Variants in TMEM38B observed in about 807,000 individuals in gnomAD.
TMEM38B encodes trimeric intracellular cation channel type B.
Under a neutral mutation model 28.7 loss-of-function variants are expected in TMEM38B, and 24 were observed. The observed-to-expected ratio is 0.84, with a 90% CI of 0.61 to 1.18. The LOEUF is 1.18. TMEM38B is among the 50% of genes most tolerant of loss of function. The pLI is 0.00. For missense variants in TMEM38B, 380 were observed against 350.9 expected, an observed-to-expected ratio of 1.08 and a Z score of -0.66; for synonymous variants, 131 against 127.7, an observed-to-expected ratio of 1.03 and a Z score of -0.17.
In TMEM38B at chr9:105,732,411, A is replaced by G. The variant is rs564086886; in HGVS notation, c.542+9790A>G. 3.3e-5 allele frequency among the ~76,000 whole-genome samples: 5 copies of G among 152,270 alleles called. No homozygotes were observed. The South Asian group carries it at 1.0e-3, about 32-fold the overall frequency. Reference sequence around the variant, plus strand: ...GCCTTTGTCCTGAATGGTATTGCCTAGGTTTTCTTCCAGGGATTTTATGGT... The same window carrying G: ...GCCTTTGTCCTGAATGGTATTGCCTGGGTTTTCTTCCAGGGATTTTATGGT... On this transcript the variant is annotated intron_variant, in intron 4 of 5. Transcript: ENST00000374692.
Position 105,774,103 on chromosome 9 carries a change from G to A in TMEM38B, c.*23G>A, listed in dbSNP as rs1826651321. On this transcript the variant is annotated 3_prime_UTR_variant, in exon 6 of 6. Coordinates refer to ENST00000374692, the MANE Select transcript of TMEM38B (RefSeq NM_018112.3). ...TAAATTTACGTGATGAGCTCTACAA[G>A]GCCAAAAATTTTTTTTCTTATCTAC... 6.2e-7 allele frequency: 1 copy of A among 1,603,186 alleles called. No individual in the cohort carries two copies. The highest frequency in any genetic ancestry group is 8.5e-7 in the Non-Finnish European group (1 of 1,175,348).
At chr9:105,750,024 G>A (rs536852223) in intron 5 of TMEM38B, among the ~76,000 whole-genome samples, 20 of 152,238 alleles carry the variant, frequency 1.3e-4, no homozygotes, top group Admixed American at 3.3e-4. Context: ...CATTACTAGC[G>A]CATATTATTG....
chr9:105,752,861 A>G (rs28797537), intron 5 of TMEM38B, among the ~76,000 whole-genome samples: 1,580 of 152,310 alleles, frequency 0.01, 26 homozygotes, highest in African/African-American at 0.036. Context: ...GTGAGTAATA[A>G]TGAGCTTCAC....
At position 105,764,571 on chromosome 9, in the gene TMEM38B, G is replaced by T. The variant is rs575467271; in HGVS notation, c.661-9294G>T. 4.2e-3 allele frequency among the ~76,000 whole-genome samples: 641 copies of T among 151,988 alleles called. 1 individual carries two copies. Among genetic ancestry groups the T allele is most frequent in the Middle Eastern group, 0.02 (6 of 294 alleles). On this transcript the variant is annotated intron_variant, in intron 5 of 5. Coordinates refer to ENST00000374692, the MANE Select transcript of TMEM38B (RefSeq NM_018112.3). The stretch of plus-strand genomic sequence containing the variant: ...AGGAGAACTGCAAACCACTGCTCAA[G>T]GAAATAAAAGAGGATACAAACAAAT...
At chr9:105,740,924 A>G (rs1190543570) in intron 4 of TMEM38B, among the ~76,000 whole-genome samples, 1 of 152,238 alleles carries the variant, frequency 6.6e-6, no homozygotes. Flanking sequence ...AATGGTTTCT[A>G]AAGTTCTAAT....
chr9:105,737,380 C>T (rs149878614), intron 4 of TMEM38B, among the ~76,000 whole-genome samples: 16 of 152,268 alleles, frequency 1.1e-4, no homozygotes, highest in Admixed American at 7.2e-4. Context: ...ACCAGAAACT[C>T]AGCCCTGGGG....
At position 105,748,070 on chromosome 9, in the gene TMEM38B, C is replaced by T. The variant is rs1225799300; in HGVS notation, c.543-3C>T. 1 of 1,601,394 alleles carries T rather than the reference C, an allele frequency of 6.2e-7. No homozygotes were observed. The highest frequency in any genetic ancestry group is 8.5e-7 in the Non-Finnish European group (1 of 1,170,318). On this transcript the variant is annotated splice_polypyrimidine_tract_variant and splice_region_variant and intron_variant, in intron 4 of 5. Transcript: ENST00000374692. Reference sequence around the variant, plus strand: ...GCTGATTTAAAATGTGTTTTATTTTCAGCCCTGCCAAGGTAACCCTGCTGG... The same window carrying T: ...GCTGATTTAAAATGTGTTTTATTTTTAGCCCTGCCAAGGTAACCCTGCTGG...
chr9:105,703,856 GTGTCTGTTCA>G (rs1779836694), intron 1 of TMEM38B, among the ~76,000 whole-genome samples: 1 of 152,134 alleles, frequency 6.6e-6, no homozygotes, highest in South Asian at 2.1e-4. Flanking sequence ...CTTTTGAGAA[GTGTCTGTTCA>G]TGTCCTTCGC....
intron 4 of TMEM38B, among the ~76,000 whole-genome samples, chr9:105,731,470 C>G (rs373262912): frequency 6.6e-6 from 1 of 152,018 alleles, no homozygotes; most frequent in Admixed American, 6.6e-5. Context: ...TCTCACCCCA[C>G]GACAGGCCCT....
rs1588466506 is a variant in TMEM38B, at chr9:105,759,393, T to C, written c.660+11203T>C. ...TCATAGAGAAAAAAGAAGAATAAGATTCTACTGAGAGACTACGGATAAGCA... is the reference window on the plus strand; with the variant it reads ...TCATAGAGAAAAAAGAAGAATAAGACTCTACTGAGAGACTACGGATAAGCA... On this transcript the variant is annotated intron_variant, in intron 5 of 5. Coordinates refer to ENST00000374692, the MANE Select transcript of TMEM38B (RefSeq NM_018112.3). 1.2e-5 allele frequency: 17 copies of C among 1,471,006 alleles called. No individual in the cohort carries two copies. The East Asian group carries it at 3.6e-4, about 31-fold the overall frequency. The allele number at this position is 1,471,006 out of a possible 1,614,324, so 91.1% of individuals were successfully genotyped here.
At chr9:105,708,833 T>C (rs1835779589) in intron 2 of TMEM38B, among the ~76,000 whole-genome samples, 1 of 149,642 alleles carries the variant, frequency 6.7e-6, no homozygotes, top group South Asian at 2.1e-4. Context: ...GAATTATTGC[T>C]ATCCAACATG....
chr9:105,734,210 C>T (rs1281747481), intron 4 of TMEM38B, among the ~76,000 whole-genome samples: 2 of 151,966 alleles, frequency 1.3e-5, no homozygotes, highest in African/African-American at 4.8e-5. Flanking sequence ...GTTGGTTGCC[C>T]AGGAGCATCC....
intron 5 of TMEM38B, among the ~76,000 whole-genome samples, chr9:105,763,832 G>A (rs868442446): frequency 0.02 from 2,921 of 147,670 alleles, 81 homozygotes; most frequent in African/African-American, 0.072. Context: ...AAAATCCTCA[G>A]TAAAATACTG....
intron 4 of TMEM38B, among the ~76,000 whole-genome samples, chr9:105,746,669 A>G (rs1396193050): frequency 6.6e-6 from 1 of 152,104 alleles, no homozygotes; most frequent in Non-Finnish European, 1.5e-5. Flanking sequence ...TTTCACAGGG[A>G]ATGCTTCCAG....
rs181463919 is a variant in TMEM38B at position 105,727,468 on chromosome 9, G to A, written c.542+4847G>A. On this transcript the variant is annotated intron_variant, in intron 4 of 5. Coordinates refer to ENST00000374692, the MANE Select transcript of TMEM38B (RefSeq NM_018112.3). ...CTCTTATTTGAAGTGGTTGGGACCA[G>A]AAGTGTTGTGGATTTCAGATATTTT... Among the ~76,000 whole-genome samples the A allele has an allele frequency of 8.5e-5, 13 of 152,312 alleles. No individual in the cohort carries two copies. In the East Asian group the frequency reaches 2.5e-3, roughly 29 times the overall value.
At chr9:105,701,508 A>T (rs1166970973) in intron 1 of TMEM38B, 1 of 152,246 alleles carries the variant, frequency 6.6e-6, no homozygotes, top group African/African-American at 2.4e-5. Flanking sequence ...CTTCCAAGTT[A>T]TAAGAATTGT....
chr9:105,701,540 T>A (rs1835459611), intron 1 of TMEM38B: 1 of 152,234 alleles, frequency 6.6e-6, no homozygotes, highest in Non-Finnish European at 1.5e-5. Flanking sequence ...CCCGTAAAAA[T>A]ACTACATCTT....
At position 105,748,259 on chromosome 9, in the gene TMEM38B, A is replaced by G. The variant is rs960965309; in HGVS notation, c.660+69A>G. The G allele has an allele frequency of 6.1e-6, 7 of 1,153,876 alleles. No homozygotes were observed. The African/African-American group carries it at 6.2e-5, about 10-fold the overall frequency. The allele number at this position is 1,153,876 out of a possible 1,614,324, so 71.5% of individuals were successfully genotyped here. A position where few individuals can be genotyped will look rare whatever the true frequency, so the allele number is the denominator to read the frequency against. On this transcript the variant is annotated intron_variant, in intron 5 of 5. Coordinates refer to ENST00000374692, the MANE Select transcript of TMEM38B (RefSeq NM_018112.3). ...CTATTCCCCTTTGATACAATTTTGCATGCTGGGCAAGTAAGAGGAACATTT... is the reference window on the plus strand; with the variant it reads ...CTATTCCCCTTTGATACAATTTTGCGTGCTGGGCAAGTAAGAGGAACATTT...
At chr9:105,754,513 T>G (rs751738462) in intron 5 of TMEM38B, among the ~76,000 whole-genome samples, 2 of 152,218 alleles carry the variant, frequency 1.3e-5, no homozygotes, top group Non-Finnish European at 2.9e-5. Flanking sequence ...TTGAACAACC[T>G]GCTCCTGAAC....
Sources: allele counts gnomAD v4.1 joint callset (sites outside exome capture counted in the v4.1 genomes callset), GRCh38; gene constraint gnomAD v4.1.1; transcripts MANE v1.5; gene names NCBI Gene and HGNC (gene_info 2026-07-23, HGNC 2026-07-21).